The following PSD2 variants were observed in gnomAD, a reference collection of about 807,000 sequenced individuals.
PSD2 encodes PH and SEC7 domain-containing protein 2.
Under a neutral mutation model 69.8 loss-of-function variants are expected in PSD2, and 38 were observed. That is an observed-to-expected ratio of 0.54 (90% CI 0.42 to 0.71). The LOEUF is 0.71. PSD2 is among the 30% of genes least tolerant of loss of function. The pLI, the probability that PSD2 is intolerant of heterozygous loss-of-function variation, is 0.00. For missense variants in PSD2, 943 were observed against 1,014.5 expected, an observed-to-expected ratio of 0.93 and a Z score of 0.96; for synonymous variants, 412 against 423.0, an observed-to-expected ratio of 0.97 and a Z score of 0.32.
At chr5:139,799,248 C>T (rs1250322248) in intron 1 of PSD2, among the ~76,000 whole-genome samples, 3 of 152,178 alleles carry the variant, frequency 2.0e-5, no homozygotes, top group Non-Finnish European at 2.9e-5. Flanking sequence ...CTTCATCTAC[C>T]TGGTAATCTG....
the PSD2 span, among the ~76,000 whole-genome samples, chr5:139,788,331 C>G: frequency 6.6e-6 from 1 of 152,244 alleles, no homozygotes; most frequent in Non-Finnish European, 1.5e-5. Flanking sequence ...CTCCTCTCCC[C>G]GCCCAGCTTC....
At chr5:139,833,864 C>T (rs1035607533) in intron 8 of PSD2, 73 bp downstream of exon 8, 12 of 1,172,962 alleles carry the variant, frequency 1.0e-5, no homozygotes, top group Middle Eastern at 2.2e-4. Flanking sequence ...GTCTGTGCCT[C>T]GTGAAATCCT....
the PSD2 span, among the ~76,000 whole-genome samples, chr5:139,781,853 C>T: frequency 6.6e-5 from 10 of 152,114 alleles, no homozygotes; most frequent in Non-Finnish European, 1.2e-4. Flanking sequence ...AGGCTGGTCT[C>T]GAACTCCTGA....
intron 7 of PSD2, among the ~76,000 whole-genome samples, chr5:139,833,216 C>A (rs753263417): frequency 6.6e-6 from 1 of 151,996 alleles, no homozygotes; most frequent in African/African-American, 2.4e-5. Context: ...CGTGGAGTAG[C>A]GGTGAGAGCA....
At position 139,809,656 on chromosome 5, in the gene PSD2, C is replaced by T; in HGVS notation, c.216C>T (p.Ser72=). Residue 72 remains serine, a synonymous_variant, in exon 2 of 15, where the codon AGC becomes AGT. Transcript: ENST00000274710. ...KDPDVAFHGL[S]LGLSLTNGLA... ...CAGATGTGGCCTTCCATGGCCTCAG[C>T]CTTGGCCTCTCTCTCACCAATGGCC... 1.2e-6 allele frequency: 2 copies of T among 1,614,258 alleles called. No homozygotes were observed. Among genetic ancestry groups the T allele is most frequent in the South Asian group, 2.2e-5 (2 of 91,084 alleles).
the PSD2 span, among the ~76,000 whole-genome samples, chr5:139,790,071 AGGTCAGAGGAGTGGTGGGGGCC>A: frequency 6.6e-6 from 1 of 151,958 alleles, no homozygotes; most frequent in Non-Finnish European, 1.5e-5. Context: ...CAGGAGAATG[AGGTCAGAGGAGTGGTGGGGGCC>A]AGATCTTATG....
At position 139,842,358 on chromosome 5, in the gene PSD2, G is replaced by A. The variant is rs897730095; in HGVS notation, c.2200G>A (p.Ala734Thr). The A allele has an allele frequency of 9.3e-6, 15 of 1,614,108 alleles. No homozygotes were observed. The highest frequency in any genetic ancestry group is 3.3e-5 in the Admixed American group (2 of 60,010). The change falls in exon 15 of 15, where the codon GCC (alanine) becomes ACC (threonine). Residue 734 changes from alanine (A) to threonine (T), a missense_variant. Physicochemically the swap from Ala to Thr is moderately conservative, Grantham distance 58 (BLOSUM62 0). Transcript: ENST00000274710. ...TCTGGAGCGGATTGAGGCCCGGCTG[G>A]CCACTCTGGAAGGGGATGACCCTTC... ...DDLERIEARL[A>T]TLEGDDPSLR...
intron 4 of PSD2, among the ~76,000 whole-genome samples, chr5:139,815,995 TA>T (rs768724760): frequency 1.5e-3 from 138 of 92,750 alleles, no homozygotes; most frequent in Middle Eastern, 5.8e-3. Context: ...CTCCATATAT[TA>T]AAAAAAAAAA....
At position 139,835,766 on chromosome 5, in the gene PSD2, T is replaced by C. The variant is rs767387874; in HGVS notation, c.1403T>C (p.Ile468Thr). 1 of 1,613,978 alleles carries C rather than the reference T, an allele frequency of 6.2e-7. No homozygotes were observed. Among genetic ancestry groups the C allele is most frequent in the Non-Finnish European group, 8.5e-7 (1 of 1,179,870 alleles). The change falls in exon 9 of 15, where the codon ATT (isoleucine) becomes ACT (threonine). Residue 468 changes from isoleucine to threonine, a missense_variant and splice_region_variant. By Grantham distance (89) the Ile-to-Thr change is moderately conservative (BLOSUM62 -1). Coordinates refer to ENST00000274710, the MANE Select transcript of PSD2 (RefSeq NM_032289.4). ...SIKNEKLEWAIDEDELRKSLS... is the reference protein window; with the variant it reads ...SIKNEKLEWATDEDELRKSLS... ...AAGAATGAAAAGCTGGAATGGGCCA[T>C]GTGAGTAGTGACGATGGGCACAGGT...
intron 12 of PSD2, among the ~76,000 whole-genome samples, chr5:139,838,172 C>T (rs368592393): frequency 8.5e-5 from 13 of 152,226 alleles, no homozygotes; most frequent in South Asian, 2.1e-4. Flanking sequence ...CACCTCTCGT[C>T]CTCCTGTGAC....
chr5:139,796,731 T>G (rs1759540359), intron 1 of PSD2, among the ~76,000 whole-genome samples: 2 of 152,128 alleles, frequency 1.3e-5, no homozygotes, highest in South Asian at 4.1e-4. Flanking sequence ...GAATGATCAC[T>G]GGGGGCATTG....
the PSD2 span, among the ~76,000 whole-genome samples, chr5:139,778,945 C>CAAAAAAAAAAAAAAA: frequency 1.0e-5 from 1 of 99,896 alleles, no homozygotes; most frequent in Non-Finnish European, 2.1e-5. Flanking sequence ...AGAAAAAAAA[C>CAAAAAAAAAAAAAAA]AAAAAAAAAA....
At chr5:139,830,557 C>CTTTT (rs1561605159) in intron 7 of PSD2, among the ~76,000 whole-genome samples, 5 of 132,990 alleles carry the variant, frequency 3.8e-5, no homozygotes, top group African/African-American at 1.6e-4. Flanking sequence ...TTCCTTCCTT[C>CTTTT]CTTCCTTCCT....
the PSD2 span, among the ~76,000 whole-genome samples, chr5:139,753,932 G>C: frequency 2.0e-5 from 3 of 151,292 alleles, no homozygotes; most frequent in African/African-American, 7.3e-5. Flanking sequence ...CGCCTCCCAG[G>C]TTCAAGCGAT....
the PSD2 span, among the ~76,000 whole-genome samples, chr5:139,778,307 A>T: frequency 9.5e-4 from 144 of 152,286 alleles, no homozygotes; most frequent in Non-Finnish European, 1.7e-3. Flanking sequence ...CCCCCCAAGA[A>T]CTGTAAGCCT....
chr5:139,828,698 C>A (rs2126957064), intron 7 of PSD2, among the ~76,000 whole-genome samples: 1 of 152,284 alleles, frequency 6.6e-6, no homozygotes, highest in South Asian at 2.1e-4. Context: ...TAAAGACAGG[C>A]TAGCATTGTT....
intron 14 of PSD2, among the ~76,000 whole-genome samples, chr5:139,840,672 TC>T (rs1455464707): frequency 1.3e-5 from 2 of 151,652 alleles, no homozygotes; most frequent in Non-Finnish European, 2.9e-5. Flanking sequence ...TGCCTCAGCC[TC>T]CCGAACAACT....
chr5:139,781,366 T>G, the PSD2 span, among the ~76,000 whole-genome samples: 2 of 151,958 alleles, frequency 1.3e-5, no homozygotes, highest in South Asian at 4.2e-4. Context: ...GACGGAGTCT[T>G]GCTCTGTTGC....
chr5:139,776,107 C>A, the PSD2 span, among the ~76,000 whole-genome samples: 1 of 152,218 alleles, frequency 6.6e-6, no homozygotes, highest in African/African-American at 2.4e-5. Flanking sequence ...ACCATGGTAA[C>A]GACACCGGCA....
Sources: gnomAD v4.1 joint callset for allele counts (sites outside exome capture counted in the v4.1 genomes callset) on GRCh38, gnomAD v4.1.1 for gene constraint, MANE v1.5 for transcripts, NCBI Gene and HGNC (gene_info 2026-07-23, HGNC 2026-07-21) for gene names.